Variants in SIK3 observed in about 807,000 individuals in gnomAD.
The protein encoded by SIK3 is serine/threonine-protein kinase SIK3.
A neutral mutation model predicts 144.2 loss-of-function variants in SIK3; 28 were observed. The observed-to-expected ratio is 0.19, with a 90% CI of 0.14 to 0.27. The LOEUF (loss-of-function observed/expected upper bound fraction) is 0.27, where lower values mean the gene tolerates loss of function less well. Ranked by LOEUF, SIK3 falls within the 10% of genes least tolerant of loss-of-function variation. SIK3 has a pLI of 1.00. For missense variants in SIK3, 1,319 were observed against 1,776.0 expected (o/e 0.74, Z 4.62); for synonymous variants, 686 against 676.3 (o/e 1.01, Z -0.22).
chr11:116,968,203 C>T (rs1429951256), intron 1 of SIK3, among the ~76,000 whole-genome samples: 1 of 152,056 alleles, frequency 6.6e-6, no homozygotes. Context: ...AGTACAGTGG[C>T]GCCATCTCGG....
chr11:116,950,691 A>G (rs1296458315), intron 3 of SIK3, among the ~76,000 whole-genome samples: 2 of 152,246 alleles, frequency 1.3e-5, no homozygotes, highest in Non-Finnish European at 2.9e-5. Flanking sequence ...ATTCTATGAA[A>G]TGAAATGTTG....
At chr11:117,002,585 C>T (rs1196314509) in intron 1 of SIK3, among the ~76,000 whole-genome samples, 2 of 152,018 alleles carry the variant, frequency 1.3e-5, no homozygotes, top group African/African-American at 2.4e-5. Flanking sequence ...CCTCATTCTA[C>T]ACAATAAGCC....
At chr11:116,922,666 C>T (rs1228744671) in intron 4 of SIK3, among the ~76,000 whole-genome samples, 4 of 152,046 alleles carry the variant, frequency 2.6e-5, no homozygotes, top group South Asian at 2.1e-4. Flanking sequence ...CACATTAATA[C>T]AAAATGTAAA....
At chr11:116,949,560 C>T (rs1948837640) in intron 3 of SIK3, among the ~76,000 whole-genome samples, 1 of 152,166 alleles carries the variant, frequency 6.6e-6, no homozygotes, top group African/African-American at 2.4e-5. Flanking sequence ...GTTGCCTATG[C>T]TGACCTCCAA....
intron 1 of SIK3, among the ~76,000 whole-genome samples, chr11:117,067,769 T>C (rs542312537): frequency 2.0e-5 from 3 of 151,890 alleles, no homozygotes; most frequent in African/African-American, 4.8e-5. Flanking sequence ...GGAGGATCAC[T>C]TGAGGTCAGG....
chr11:116,993,670 A>C (rs901819839), intron 1 of SIK3, among the ~76,000 whole-genome samples: 1 of 152,206 alleles, frequency 6.6e-6, no homozygotes, highest in Non-Finnish European at 1.5e-5. Context: ...GGAGAGGAAG[A>C]GGGGCTGAAC....
intron 4 of SIK3, among the ~76,000 whole-genome samples, chr11:116,912,890 G>A (rs949985351): frequency 6.6e-6 from 1 of 152,112 alleles, no homozygotes; most frequent in African/African-American, 2.4e-5. Context: ...ATGATGCAAA[G>A]AACCAAAGAT....
intron 1 of SIK3, among the ~76,000 whole-genome samples, chr11:116,960,436 G>A (rs1371304306): frequency 6.6e-6 from 1 of 152,166 alleles, no homozygotes; most frequent in Non-Finnish European, 1.5e-5. Context: ...TGAGACAGAA[G>A]GATTGCATGA....
At chr11:116,963,084 G>A (rs1266116540) in intron 1 of SIK3, among the ~76,000 whole-genome samples, 1 of 152,152 alleles carries the variant, frequency 6.6e-6, no homozygotes, top group Non-Finnish European at 1.5e-5. Flanking sequence ...ACAGAAACCT[G>A]GCCCAAGTTA....
chr11:116,863,394 T>C (rs185794873), intron 16 of SIK3, among the ~76,000 whole-genome samples: 24 of 152,216 alleles, frequency 1.6e-4, no homozygotes, highest in Non-Finnish European at 2.6e-4. Flanking sequence ...GGGACTATGC[T>C]AATTTTTAAT....
chr11:117,041,102 A>T (rs1325146904), intron 1 of SIK3, among the ~76,000 whole-genome samples: 2 of 152,124 alleles, frequency 1.3e-5, no homozygotes, highest in Non-Finnish European at 2.9e-5. Context: ...ATATTGCTCA[A>T]AGTGGAATAC....
intron 1 of SIK3, among the ~76,000 whole-genome samples, chr11:116,977,150 G>C (rs1402597984): frequency 1.3e-5 from 2 of 151,968 alleles, no homozygotes; most frequent in Non-Finnish European, 1.5e-5. Flanking sequence ...ACATGCAAAG[G>C]CTTCATTAGA....
chr11:117,048,459 C>T (rs1953064113), intron 1 of SIK3, among the ~76,000 whole-genome samples: 1 of 151,910 alleles, frequency 6.6e-6, no homozygotes, highest in South Asian at 2.1e-4. Context: ...GAGTTCGAGA[C>T]CAGCCTGACC....
At chr11:116,861,158 C>T (rs1052848119) in intron 19 of SIK3, 116 bp downstream of exon 19, 8 of 821,578 alleles carry the variant, frequency 9.7e-6, no homozygotes, top group African/African-American at 1.8e-5. Context: ...AGAGTCCATA[C>T]CCCTGAATAC....
At chr11:116,965,721 C>T (rs1162713778) in intron 1 of SIK3, among the ~76,000 whole-genome samples, 14 of 115,890 alleles carry the variant, frequency 1.2e-4, no homozygotes, top group African/African-American at 4.6e-4. Context: ...TGGTGAAAAC[C>T]CGTCTCTGCT....
chr11:117,090,015 G>C (rs1404673572), intron 1 of SIK3, among the ~76,000 whole-genome samples: 1 of 152,228 alleles, frequency 6.6e-6, no homozygotes, highest in East Asian at 1.9e-4. Flanking sequence ...TCATCCAACA[G>C]TTCCGTACTC....
At chr11:117,052,153 AAAAG>A (rs1380116363) in intron 1 of SIK3, among the ~76,000 whole-genome samples, 1 of 152,106 alleles carries the variant, frequency 6.6e-6, no homozygotes, top group Admixed American at 6.6e-5. Flanking sequence ...AAAAGAGAAA[AAAAG>A]AAAGGAAAGA....
intron 6 of SIK3, among the ~76,000 whole-genome samples, chr11:116,878,673 C>G (rs1226259591): frequency 2.0e-5 from 3 of 152,242 alleles, no homozygotes; most frequent in Non-Finnish European, 4.4e-5. Flanking sequence ...AGCCACCGCG[C>G]TTGGCCCCCT....
At chr11:116,938,259 A>AGAG (rs1555103859) in intron 3 of SIK3, among the ~76,000 whole-genome samples, 1 of 12,396 alleles carries the variant, frequency 8.1e-5, no homozygotes, top group Non-Finnish European at 1.5e-4. Context: ...AGAGGGGAGA[A>AGAG]GAGAGGAGAG....
Sources: gnomAD v4.1 joint callset for allele counts (sites outside exome capture counted in the v4.1 genomes callset) on GRCh38, gnomAD v4.1.1 for gene constraint, MANE v1.5 for transcripts, NCBI Gene and HGNC (gene_info 2026-07-23, HGNC 2026-07-21) for gene names.